Variants in GIMAP5 observed in about 807,000 individuals in gnomAD.
GIMAP5 encodes GTPase, IMAP family member 5.
In GIMAP5, 8 loss-of-function variants were observed where a neutral mutation model predicts 9.9. That is an observed-to-expected ratio of 0.81 (90% CI 0.47 to 1.45). The LOEUF (loss-of-function observed/expected upper bound fraction) is 1.45. Ranked by LOEUF, GIMAP5 falls within the 40% of genes most tolerant of loss-of-function variation. The pLI is 0.00. For missense variants in GIMAP5, 353 were observed against 367.4 expected (o/e 0.96, Z 0.32); for synonymous variants, 174 against 151.4 (o/e 1.15, Z -1.09).
intron 2 of GIMAP5, 137 bp downstream of exon 2, chr7:150,741,064 C>A: frequency 2.5e-6 from 2 of 791,110 alleles, no homozygotes; most frequent in Non-Finnish European, 2.1e-6. Flanking sequence ...ACTATCATCA[C>A]GTGTGTGTTA....
At chr7:150,738,214 A>G (rs1797544476) in intron 1 of GIMAP5, 1 of 156,832 alleles carries the variant, frequency 6.4e-6, no homozygotes, top group African/African-American at 2.4e-5. Flanking sequence ...CCCAGGGCAA[A>G]TGTGGGATAT....
intron 1 of GIMAP5, chr7:150,738,698 T>C (rs1797552627): frequency 6.6e-6 from 1 of 152,210 alleles, no homozygotes; most frequent in African/African-American, 2.4e-5. Context: ...GGACGATTAG[T>C]AAAATTTTTC....
chr7:150,743,330 T>C lies in GIMAP5; in HGVS notation c.*267T>C. The C allele has an allele frequency of 2.4e-6, 1 of 419,404 alleles. No homozygotes were observed. Among genetic ancestry groups the C allele is most frequent in the African/African-American group, 2.0e-5 (1 of 49,774 alleles). 26.0% of individuals were successfully genotyped at this position (419,404 alleles called of 1,614,324 possible). On this transcript the variant is annotated 3_prime_UTR_variant, in exon 3 of 3. Transcript: ENST00000358647. ...CCCATGCAGGTCCCTGAGAAGTGAGTAAAAGTCCGCAGAGGTGGGGATGGA... is the reference window on the plus strand; with the variant it reads ...CCCATGCAGGTCCCTGAGAAGTGAGCAAAAGTCCGCAGAGGTGGGGATGGA...
chr7:150,740,799 G>A (rs1211234927), intron 1 of GIMAP5, 80 bp from the exon 2 acceptor site: 1 of 1,337,964 alleles, frequency 7.5e-7, no homozygotes, highest in South Asian at 1.2e-5. Context: ...ATTCTTAGAT[G>A]TCTGAATTGA....
At chr7:150,741,271 G>A (rs1374036458) in intron 2 of GIMAP5, among the ~76,000 whole-genome samples, 1 of 151,906 alleles carries the variant, frequency 6.6e-6, no homozygotes, top group East Asian at 1.9e-4. Flanking sequence ...TTTAGTCATT[G>A]TGCTTGCTAC....
In GIMAP5 at chr7:150,742,317, CA is replaced by C; in HGVS notation, c.179del (p.Gln60ArgfsTer3). 2 of 1,614,180 alleles carry C rather than the reference CA, an allele frequency of 1.2e-6. No homozygotes were observed. Among genetic ancestry groups the C allele is most frequent in the African/African-American group, 2.7e-5 (2 of 75,058 alleles). The stretch of plus-strand genomic sequence containing the variant: ...CGTGTTTGAGTCCAAGCTGAGGGCC[CA>C]GTCAGTGACCAGGACGTGCCAGGTG... ...QPVFESKLRA[Q>X]SVTRTCQVKT... On this transcript the variant is annotated frameshift_variant, in exon 3 of 3. Transcript: ENST00000358647. LOFTEE classifies it high-confidence loss of function.
chr7:150,742,780 G>T lies in GIMAP5; in HGVS notation c.641G>T (p.Arg214Leu), dbSNP rs768736186. The T allele has an allele frequency of 1.2e-6, 2 of 1,614,142 alleles. No individual in the cohort carries two copies. Among genetic ancestry groups the T allele is most frequent in the Admixed American group, 3.3e-5 (2 of 60,026 alleles). Reference sequence around the variant, plus strand: ...GTGATTGAGAGGCTGGGGAGGGAGCGAGAGGGCTCCTTCCACAGCAATGAC... The same window carrying T: ...GTGATTGAGAGGCTGGGGAGGGAGCTAGAGGGCTCCTTCCACAGCAATGAC... ...LAVIERLGRE[R>L]EGSFHSNDLF... Residue 214 changes from arginine to leucine, a missense_variant, in exon 3 of 3, where the codon CGA becomes CTA. By Grantham distance (102) the Arg-to-Leu change is moderately radical. Transcript: ENST00000358647.
intron 1 of GIMAP5, chr7:150,738,939 G>A (rs890770970): frequency 4.6e-5 from 7 of 152,198 alleles, no homozygotes; most frequent in African/African-American, 1.7e-4. Flanking sequence ...CCTCAATGCA[G>A]CCTGATCCAC....
chr7:150,740,982 C>A, intron 2 of GIMAP5, 55 bp downstream of exon 2: 1 of 1,587,890 alleles, frequency 6.3e-7, no homozygotes, highest in Non-Finnish European at 8.6e-7. Context: ...AATCACAATT[C>A]TCTCCCCATC....
intron 2 of GIMAP5, 30 bp downstream of exon 2, chr7:150,740,957 C>T (rs1398858939): frequency 6.2e-7 from 1 of 1,612,254 alleles, no homozygotes; most frequent in South Asian, 1.1e-5. Context: ...CTCAAGAGCC[C>T]CAGACACTTG....
rs988591987 is a variant in GIMAP5 at position 150,743,638 on chromosome 7, T to C, written c.*575T>C. ...CTAAAACATTCAAAGTAATAAAAAT[T>C]TCTCCACATTCCTTTTTATCCTTTA... On this transcript the variant is annotated 3_prime_UTR_variant, in exon 3 of 3. Coordinates refer to ENST00000358647, the MANE Select transcript of GIMAP5 (RefSeq NM_018384.5). 5 of 152,410 alleles carry C rather than the reference T, an allele frequency of 3.3e-5. No homozygotes were observed. Among genetic ancestry groups the C allele is most frequent in the Non-Finnish European group, 7.3e-5 (5 of 68,212 alleles). The allele number at this position is 152,410 out of a possible 1,614,324, so 9.4% of individuals were successfully genotyped here.
At chr7:150,739,221 T>C (rs904113827) in intron 1 of GIMAP5, 1 of 152,224 alleles carries the variant, frequency 6.6e-6, no homozygotes, top group Admixed American at 6.5e-5. Flanking sequence ...ATTGTACACA[T>C]GTTCCAAGAG....
intron 2 of GIMAP5, among the ~76,000 whole-genome samples, chr7:150,741,786 T>C (rs887241683): frequency 1.3e-5 from 2 of 152,210 alleles, no homozygotes; most frequent in African/African-American, 4.8e-5. Context: ...AATGTGTGGG[T>C]GAAAGAGAAG....
intron 2 of GIMAP5, 87 bp downstream of exon 2, chr7:150,741,014 G>A: frequency 7.2e-7 from 1 of 1,390,008 alleles, no homozygotes; most frequent in Non-Finnish European, 1.0e-6. Context: ...AAAACACAGT[G>A]GCAGAAACCC....
At chr7:150,741,073 T>TGGTTTG in intron 2 of GIMAP5, 146 bp downstream of exon 2, 1 of 715,128 alleles carries the variant, frequency 1.4e-6, no homozygotes, top group Non-Finnish European at 2.4e-6. Context: ...ACGTGTGTGT[T>TGGTTTG]ATCAAACCAT....
chr7:150,741,107 A>G (rs1204455071), intron 2 of GIMAP5, among the ~76,000 whole-genome samples, 180 bp downstream of exon 2: 5 of 152,150 alleles, frequency 3.3e-5, no homozygotes, highest in African/African-American at 9.7e-5. Flanking sequence ...AGACACACAC[A>G]CACACCATAG....
rs1797612206 is a variant in GIMAP5, at chr7:150,742,437, A to C, written c.298A>C (p.Ile100Leu). 1.2e-6 allele frequency: 2 copies of C among 1,614,160 alleles called. No homozygotes were observed. The part of the protein sequence containing the change: ...QADTQELYKN[I>L]GDCYLLSAPG... ...CGATACCCAAGAGCTGTACAAGAAC[A>C]TCGGGGACTGCTACCTGCTCTCTGC... Residue 100 changes from isoleucine (I) to leucine (L), a missense_variant, in exon 3 of 3, where the codon ATC becomes CTC. Physicochemically the swap from Ile to Leu is conservative, Grantham distance 5. Transcript: ENST00000358647.
At chr7:150,740,414 G>GC (rs1323983978) in intron 1 of GIMAP5, 1 of 162,206 alleles carries the variant, frequency 6.2e-6, no homozygotes, top group Non-Finnish European at 1.3e-5. Flanking sequence ...ATGTCCATTT[G>GC]ACACAAAGAC....
chr7:150,740,159 T>C (rs1264140304), intron 1 of GIMAP5: 1 of 152,158 alleles, frequency 6.6e-6, no homozygotes, highest in Non-Finnish European at 1.5e-5. Flanking sequence ...AAAATGTACA[T>C]CCCCAATACT....
Sources: allele counts gnomAD v4.1 joint callset (sites outside exome capture counted in the v4.1 genomes callset), GRCh38; gene constraint gnomAD v4.1.1; transcripts MANE v1.5; gene names NCBI Gene and HGNC (gene_info 2026-07-23, HGNC 2026-07-21).